The following RAB38 variants were observed in gnomAD, a reference collection of about 807,000 sequenced individuals.
RAB38 encodes the protein ras-related protein Rab-38.
A neutral mutation model predicts 18.4 loss-of-function variants in RAB38; 15 were observed. That is an observed-to-expected ratio of 0.82 (90% CI 0.55 to 1.26). The LOEUF (loss-of-function observed/expected upper bound fraction) is 1.26. RAB38 is among the 50% of genes most tolerant of loss of function. The pLI, the probability that RAB38 is intolerant of heterozygous loss-of-function variation, is 0.00. For synonymous variants in RAB38, 101 were observed against 104.4 expected (o/e 0.97, Z 0.20); for missense variants, 294 against 267.4 (o/e 1.10, Z -0.69).
At chr11:87,977,375 AT>A in the RAB38 span, among the ~76,000 whole-genome samples, 216 of 46,390 alleles carry the variant, frequency 4.7e-3, 3 homozygotes, top group East Asian at 9.1e-3. Context: ...ATAAAATTAT[AT>A]TATAAAATAT....
chr11:87,878,222 T>TATAC, the RAB38 span, among the ~76,000 whole-genome samples: 99 of 116,208 alleles, frequency 8.5e-4, 10 homozygotes, highest in African/African-American at 3.4e-3. Flanking sequence ...TATATATATA[T>TATAC]ACACACATAT....
At chr11:88,014,922 C>T in the RAB38 span, among the ~76,000 whole-genome samples, 1 of 151,754 alleles carries the variant, frequency 6.6e-6, no homozygotes. Flanking sequence ...ATGGATGTGG[C>T]AACCTCTGGA....
chr11:88,034,333 T>A, the RAB38 span, among the ~76,000 whole-genome samples: 1 of 152,260 alleles, frequency 6.6e-6, no homozygotes, highest in Non-Finnish European at 1.5e-5. Context: ...TTGGTTTTTG[T>A]GTGAGCATAA....
At chr11:88,128,073 C>A (rs1421308743) in intron 2 of RAB38, among the ~76,000 whole-genome samples, 1 of 152,186 alleles carries the variant, frequency 6.6e-6, no homozygotes, top group African/African-American at 2.4e-5. Context: ...ATTGTGACTT[C>A]TCTGTGCTGA....
At chr11:88,074,216 T>G in the RAB38 span, among the ~76,000 whole-genome samples, 1 of 152,136 alleles carries the variant, frequency 6.6e-6, no homozygotes, top group Non-Finnish European at 1.5e-5. Context: ...TAAAGCTCAA[T>G]GTTAAAATAA....
the RAB38 span, among the ~76,000 whole-genome samples, chr11:88,096,831 CAG>C: frequency 1.3e-5 from 2 of 151,420 alleles, no homozygotes; most frequent in South Asian, 2.1e-4. Context: ...AAAATATAAA[CAG>C]AAAATATTCT....
At chr11:88,106,186 G>C in the RAB38 span, among the ~76,000 whole-genome samples, 2 of 151,394 alleles carry the variant, frequency 1.3e-5, no homozygotes, top group South Asian at 4.1e-4. Context: ...CTATCACAGA[G>C]AGAAAAAAAA....
the RAB38 span, among the ~76,000 whole-genome samples, chr11:88,107,627 G>A: frequency 7.9e-5 from 12 of 151,836 alleles, no homozygotes; most frequent in African/African-American, 2.9e-4. Flanking sequence ...CTTCGGTTCT[G>A]CTCTGATCTT....
the RAB38 span, among the ~76,000 whole-genome samples, chr11:87,911,917 A>G: frequency 2.0e-5 from 3 of 151,972 alleles, no homozygotes; most frequent in Non-Finnish European, 4.4e-5. Context: ...GAGAAGCTTT[A>G]TTGGGAATGG....
chr11:88,076,409 T>C, the RAB38 span, among the ~76,000 whole-genome samples: 1 of 152,150 alleles, frequency 6.6e-6, no homozygotes, highest in East Asian at 1.9e-4. Flanking sequence ...AGTGTAATAC[T>C]AGGAGTCCTG....
At chr11:87,951,412 T>A in the RAB38 span, among the ~76,000 whole-genome samples, 1 of 152,236 alleles carries the variant, frequency 6.6e-6, no homozygotes, top group Non-Finnish European at 1.5e-5. Flanking sequence ...TCATTCTCCA[T>A]CCAGCTTTGT....
intron 1 of RAB38, among the ~76,000 whole-genome samples, chr11:88,171,095 A>C (rs546378860): frequency 1.3e-5 from 2 of 152,374 alleles, no homozygotes; most frequent in Non-Finnish European, 2.9e-5. Flanking sequence ...ATGTGAAAAC[A>C]GTCTGTAATA....
At chr11:87,942,246 A>G in the RAB38 span, among the ~76,000 whole-genome samples, 6 of 152,200 alleles carry the variant, frequency 3.9e-5, no homozygotes, top group Non-Finnish European at 8.8e-5. Context: ...GTCCAGTAGG[A>G]CTAGCATGAA....
Position 88,131,351 on chromosome 11 carries a change from G to A in RAB38, c.484-17211C>T, listed in dbSNP as rs1480422742. Among the ~76,000 whole-genome samples, 39 of 152,094 alleles carry A rather than the reference G, an allele frequency of 2.6e-4. 1 individual carries two copies. The stretch of plus-strand genomic sequence containing the variant: ...ATTAATTTCCATTTTTCCTAAACAA[G>A]ACAGATTTATTTTCTCTAATTTGGC... On this transcript the variant is annotated intron_variant, in intron 2 of 2. Coordinates refer to ENST00000243662, the MANE Select transcript of RAB38 (RefSeq NM_022337.3).
At chr11:87,968,552 C>T in the RAB38 span, among the ~76,000 whole-genome samples, 4 of 113,570 alleles carry the variant, frequency 3.5e-5, no homozygotes, top group African/African-American at 1.1e-4. Context: ...TTCAAGTGTA[C>T]AGATACAGAC....
At chr11:87,920,136 TTTTA>T in the RAB38 span, among the ~76,000 whole-genome samples, 1 of 151,948 alleles carries the variant, frequency 6.6e-6, no homozygotes, top group Non-Finnish European at 1.5e-5. Context: ...ATAATCTGTA[TTTTA>T]TTTATTTCTG....
At chr11:87,843,586 C>T in the RAB38 span, among the ~76,000 whole-genome samples, 2 of 152,280 alleles carry the variant, frequency 1.3e-5, no homozygotes, top group African/African-American at 4.8e-5. Flanking sequence ...TTCTTGGAAT[C>T]AAAAGACCCG....
At chr11:88,144,436 GA>G (rs1942955219) in intron 2 of RAB38, among the ~76,000 whole-genome samples, 1 of 152,166 alleles carries the variant, frequency 6.6e-6, no homozygotes, top group African/African-American at 2.4e-5. Flanking sequence ...CCTACGGCTG[GA>G]AATTCCCCGA....
At chr11:87,911,799 A>T in the RAB38 span, among the ~76,000 whole-genome samples, 132 of 152,116 alleles carry the variant, frequency 8.7e-4, no homozygotes, top group Non-Finnish European at 1.3e-4. Context: ...TGTTTCTTAT[A>T]TTAAAGATAC....
Sources: allele counts gnomAD v4.1 joint callset (sites outside exome capture counted in the v4.1 genomes callset), GRCh38; gene constraint gnomAD v4.1.1; transcripts MANE v1.5; gene names NCBI Gene and HGNC (gene_info 2026-07-23, HGNC 2026-07-21).